Variants in NIBAN1 observed in about 807,000 individuals in gnomAD.
NIBAN1 encodes the protein protein Niban 1.
A neutral mutation model predicts 75.1 loss-of-function variants in NIBAN1; 81 were observed. The observed-to-expected ratio is 1.08, with a 90% confidence interval of 0.90 to 1.30. The LOEUF is 1.30. NIBAN1 is among the 50% of genes most tolerant of loss of function. NIBAN1 has a pLI of 0.00. For missense variants in NIBAN1, 1,133 were observed against 1,128.1 expected, an observed-to-expected ratio of 1.00 and a Z score of -0.06; for synonymous variants, 436 against 424.8, an observed-to-expected ratio of 1.03 and a Z score of -0.32.
chr1:184,942,558 A>G (rs1023194231), intron 1 of NIBAN1, among the ~76,000 whole-genome samples: 11 of 152,138 alleles, frequency 7.2e-5, no homozygotes, highest in African/African-American at 2.2e-4. Context: ...GCTGGGCGTG[A>G]TGGCGGGCGC....
At chr1:184,903,686 T>C (rs955702774) in intron 1 of NIBAN1, among the ~76,000 whole-genome samples, 3 of 151,678 alleles carry the variant, frequency 2.0e-5, no homozygotes, top group African/African-American at 7.3e-5. Flanking sequence ...GCCAGCATTA[T>C]GCTTCCTGTA....
At position 184,795,364 on chromosome 1, in the gene NIBAN1, A is replaced by G; in HGVS notation, c.2400T>C (p.Ser800=). The change falls in exon 14 of 14, where the codon AGT becomes AGC. Residue 800 remains serine, a synonymous_variant. Transcript: ENST00000367511. ...CCAGGGGCTCCTCGGTGAGCCCTCC[A>G]CTGGCTGGCGGAGAGGCTGGGCTGC... is the stretch of plus-strand genomic sequence containing the variant. ...EVGSPASPPA[S]GGLTEEPLGP... is the part of the protein sequence containing the mutation. 1 of 1,608,412 alleles carries G rather than the reference A, an allele frequency of 6.2e-7. No individual in the cohort carries two copies. Among genetic ancestry groups the G allele is most frequent in the Non-Finnish European group, 8.5e-7 (1 of 1,177,494 alleles).
intron 5 of NIBAN1, among the ~76,000 whole-genome samples, chr1:184,850,701 C>A (rs1298275537): frequency 1.5e-4 from 3 of 19,556 alleles, no homozygotes; most frequent in Non-Finnish European, 1.7e-4. Flanking sequence ...CAACCTACAA[C>A]ATGGGAGAAA....
intron 5 of NIBAN1, among the ~76,000 whole-genome samples, chr1:184,876,592 T>C (rs1445720479): frequency 1.3e-5 from 2 of 151,662 alleles, no homozygotes; most frequent in Admixed American, 1.3e-4. Context: ...TCCCAGCTAC[T>C]CTAGAGGCTG....
At chr1:184,805,656 T>C (rs1338852954) in intron 11 of NIBAN1, among the ~76,000 whole-genome samples, 2 of 152,160 alleles carry the variant, frequency 1.3e-5, no homozygotes, top group African/African-American at 2.4e-5. Flanking sequence ...GCAGTGCTTA[T>C]AGTGGACAGC....
intron 4 of NIBAN1, among the ~76,000 whole-genome samples, chr1:184,885,168 C>A (rs1211912051): frequency 1.3e-5 from 2 of 152,292 alleles, no homozygotes; most frequent in Non-Finnish European, 2.9e-5. Flanking sequence ...CCTGCCTCAG[C>A]CTCCTGAGTA....
At chr1:184,804,395 G>A (rs994624872) in intron 11 of NIBAN1, among the ~76,000 whole-genome samples, 11 of 152,328 alleles carry the variant, frequency 7.2e-5, no homozygotes, top group East Asian at 1.9e-4. Context: ...AGGCTGCCAC[G>A]TGGAAGAAGG....
intron 1 of NIBAN1, among the ~76,000 whole-genome samples, chr1:184,955,032 T>G (rs775013573): frequency 2.0e-5 from 3 of 152,208 alleles, no homozygotes; most frequent in Non-Finnish European, 4.4e-5. Flanking sequence ...AAAAACTGAT[T>G]ACATTAGTTT....
chr1:184,924,641 T>C (rs1317875388), intron 1 of NIBAN1, among the ~76,000 whole-genome samples: 2 of 152,194 alleles, frequency 1.3e-5, no homozygotes, highest in Non-Finnish European at 2.9e-5. Flanking sequence ...TTTGGTAAAA[T>C]ACAGCAGTGA....
chr1:184,932,731 TA>T (rs1321812727), intron 1 of NIBAN1, among the ~76,000 whole-genome samples: 15 of 152,218 alleles, frequency 9.9e-5, no homozygotes, highest in Non-Finnish European at 1.9e-4. Flanking sequence ...TTTGATTTTT[TA>T]AAAGCTTAAA....
At chr1:184,906,020 C>A (rs970668927) in intron 1 of NIBAN1, among the ~76,000 whole-genome samples, 1 of 151,120 alleles carries the variant, frequency 6.6e-6, no homozygotes, top group African/African-American at 2.4e-5. Flanking sequence ...GGAGGATCAC[C>A]TGAGTGCAGG....
chr1:184,886,329 G>T (rs774585957), intron 4 of NIBAN1, among the ~76,000 whole-genome samples: 2 of 152,146 alleles, frequency 1.3e-5, no homozygotes, highest in Non-Finnish European at 2.9e-5. Flanking sequence ...GTTCCCCTCC[G>T]CAAGGAGCAG....
chr1:184,967,532 A>T (rs2102090702), intron 1 of NIBAN1, among the ~76,000 whole-genome samples: 1 of 152,320 alleles, frequency 6.6e-6, no homozygotes, highest in East Asian at 1.9e-4. Flanking sequence ...ATGAAATTAG[A>T]AACTACCTTT....
chr1:184,795,997 G>C lies in NIBAN1; in HGVS notation c.1767C>G (p.Pro589=), dbSNP rs770995786. 3 of 1,613,584 alleles carry C rather than the reference G, an allele frequency of 1.9e-6. No individual in the cohort carries two copies. The highest frequency in any genetic ancestry group is 2.5e-6 in the Non-Finnish European group (3 of 1,180,014). Residue 589 remains proline (P), a synonymous_variant, in exon 14 of 14, where the codon CCC becomes CCG. Coordinates refer to ENST00000367511, the MANE Select transcript of NIBAN1 (RefSeq NM_052966.4). ...CAGGGCTGGCCTGGTTTGACCCTGT[G>C]GGGGGCTTTAGATCTGTTAAGCTGG... The part of the protein sequence containing the change: ...SVSSLTDLKP[P]TGSNQASPAR...
At chr1:184,814,881 T>C (rs898267280) in intron 9 of NIBAN1, among the ~76,000 whole-genome samples, 4 of 152,218 alleles carry the variant, frequency 2.6e-5, no homozygotes, top group Non-Finnish European at 4.4e-5. Flanking sequence ...GTGTTAAGCA[T>C]GGACTCATGA....
chr1:184,805,061 T>A (rs140681198), intron 11 of NIBAN1, among the ~76,000 whole-genome samples: 1 of 152,352 alleles, frequency 6.6e-6, no homozygotes, highest in Non-Finnish European at 1.5e-5. Flanking sequence ...GTGCTGGGAT[T>A]ACAGGCGTGA....
intron 1 of NIBAN1, among the ~76,000 whole-genome samples, chr1:184,902,902 T>C (rs1420235014): frequency 6.6e-6 from 1 of 152,202 alleles, no homozygotes; most frequent in Non-Finnish European, 1.5e-5. Flanking sequence ...ATTCTGTATA[T>C]TGAAAACTAT....
At chr1:184,968,347 A>C (rs1284029971) in intron 1 of NIBAN1, among the ~76,000 whole-genome samples, 1 of 152,222 alleles carries the variant, frequency 6.6e-6, no homozygotes, top group Non-Finnish European at 1.5e-5. Context: ...ATAGAAAGTA[A>C]TTATTGATAC....
chr1:184,814,257 A>G (rs1654465178), intron 9 of NIBAN1, among the ~76,000 whole-genome samples: 1 of 152,312 alleles, frequency 6.6e-6, no homozygotes, highest in South Asian at 2.1e-4. Flanking sequence ...TTTTCTTGGA[A>G]CATTGTTCTG....
Sources: allele counts gnomAD v4.1 joint callset (sites outside exome capture counted in the v4.1 genomes callset), GRCh38; gene constraint gnomAD v4.1.1; transcripts MANE v1.5; gene names NCBI Gene and HGNC (gene_info 2026-07-23, HGNC 2026-07-21).